The following TBC1D4 variants were observed in gnomAD, a reference collection of about 807,000 sequenced individuals.
The protein encoded by TBC1D4 is TBC (Tre-2, BUB2, CDC16) domain-containing protein.
A neutral mutation model predicts 142.5 loss-of-function variants in TBC1D4; 121 were observed. The observed-to-expected ratio is 0.85, with a 90% confidence interval of 0.73 to 0.99. The LOEUF is 0.99. Among genes scored for constraint, TBC1D4 ranks in the 50% least tolerant of loss-of-function variants. The pLI is 0.00. For missense variants in TBC1D4, 1,475 were observed against 1,606.6 expected, an observed-to-expected ratio of 0.92 and a Z score of 1.40; for synonymous variants, 630 against 628.2, an observed-to-expected ratio of 1.00 and a Z score of -0.04.
At chr13:75,479,944 A>C (rs878869618) in intron 1 of TBC1D4, among the ~76,000 whole-genome samples, 1 of 151,934 alleles carries the variant, frequency 6.6e-6, no homozygotes, top group Admixed American at 6.6e-5. Flanking sequence ...AGGCACGAGA[A>C]TCACTTGAAC....
chr13:75,392,744 T>C (rs1343500986), intron 1 of TBC1D4, among the ~76,000 whole-genome samples: 1 of 152,072 alleles, frequency 6.6e-6, no homozygotes, highest in East Asian at 1.9e-4. Context: ...CAAGTGATCC[T>C]CCCACCTCAG....
rs1007182909 is a variant in TBC1D4 at position 75,362,489 on chromosome 13, T to C, written c.617A>G (p.Tyr206Cys). ...GTGGGTCACGGTCACCTTTCCACAG[T>C]ACAGGACTTCGAACTTCTGAGAGTT... ...FYNSQKFEVL[Y>C]CGKVTVTHKK... The change falls in exon 2 of 21, where the codon TAC becomes TGC. Residue 206 changes from tyrosine (Y) to cysteine (C), a missense_variant. Physicochemically the swap from Tyr to Cys is radical, Grantham distance 194 (BLOSUM62 -2). Transcript: ENST00000377636. The surrounding 1 kb of genome is among the most constrained non-coding windows in gnomAD (Gnocchi z 4.2). 6.2e-7 allele frequency: 1 copy of C among 1,614,118 alleles called. No individual in the cohort carries two copies. The highest frequency in any genetic ancestry group is 8.5e-7 in the Non-Finnish European group (1 of 1,180,046).
intron 1 of TBC1D4, among the ~76,000 whole-genome samples, chr13:75,374,312 T>C (rs2138224189): frequency 6.6e-6 from 1 of 152,326 alleles, no homozygotes; most frequent in Admixed American, 6.5e-5. Context: ...AAGTACATTC[T>C]GGAAACTCAG....
intron 1 of TBC1D4, among the ~76,000 whole-genome samples, chr13:75,377,867 T>A (rs1883610460): frequency 6.6e-6 from 1 of 151,836 alleles, no homozygotes; most frequent in African/African-American, 2.4e-5. Context: ...GAATCTTTGC[T>A]ACAATGAATA....
intron 1 of TBC1D4, among the ~76,000 whole-genome samples, chr13:75,408,346 A>T (rs1885439330): frequency 6.6e-6 from 1 of 152,180 alleles, no homozygotes; most frequent in Non-Finnish European, 1.5e-5. Context: ...TTGTTTATCC[A>T]TTCATCACGG....
At chr13:75,449,802 C>A (rs1433572082) in intron 1 of TBC1D4, among the ~76,000 whole-genome samples, 1 of 152,094 alleles carries the variant, frequency 6.6e-6, no homozygotes, top group Non-Finnish European at 1.5e-5. Flanking sequence ...CGAGGCTGGT[C>A]TTGAACTCCT....
At chr13:75,413,349 A>T (rs1394560951) in intron 1 of TBC1D4, among the ~76,000 whole-genome samples, 1 of 152,120 alleles carries the variant, frequency 6.6e-6, no homozygotes, top group Non-Finnish European at 1.5e-5. Context: ...TTTAGTAAAG[A>T]CAGGGTTTCA....
chr13:75,302,454 T>TA (rs1242550364), intron 15 of TBC1D4, 53 bp from the exon 16 acceptor site: 1 of 1,607,114 alleles, frequency 6.2e-7, no homozygotes, highest in African/African-American at 1.3e-5. Flanking sequence ...ATGAAGTTGA[T>TA]AGATCCCAGC....
At chr13:75,388,194 G>T (rs557891697) in intron 1 of TBC1D4, among the ~76,000 whole-genome samples, 7 of 152,176 alleles carry the variant, frequency 4.6e-5, no homozygotes, top group Admixed American at 4.6e-4. Context: ...GGCCCACTTG[G>T]ATAATCCAGG....
intron 1 of TBC1D4, among the ~76,000 whole-genome samples, chr13:75,439,497 A>C (rs539090586): frequency 8.5e-5 from 13 of 152,338 alleles, no homozygotes; most frequent in African/African-American, 2.4e-4. Context: ...ATTTAACAGA[A>C]ATTGTAAACC....
intron 18 of TBC1D4, among the ~76,000 whole-genome samples, chr13:75,293,978 C>G (rs1338462168): frequency 6.6e-6 from 1 of 152,194 alleles, no homozygotes; most frequent in Non-Finnish European, 1.5e-5. Context: ...TGAGTGAATA[C>G]TGACTGCTTT....
At chr13:75,400,184 A>T (rs984579181) in intron 1 of TBC1D4, among the ~76,000 whole-genome samples, 1 of 152,060 alleles carries the variant, frequency 6.6e-6, no homozygotes, top group Non-Finnish European at 1.5e-5. Flanking sequence ...AAACCAAAAC[A>T]CTTCATTTCT....
chr13:75,388,276 A>G (rs1884292127), intron 1 of TBC1D4, among the ~76,000 whole-genome samples: 1 of 152,182 alleles, frequency 6.6e-6, no homozygotes, highest in African/African-American at 2.4e-5. Context: ...ACAAGGTAAT[A>G]TATTCATAGG....
At chr13:75,471,682 G>A (rs1248473338) in intron 1 of TBC1D4, among the ~76,000 whole-genome samples, 1 of 151,270 alleles carries the variant, frequency 6.6e-6, no homozygotes, top group Admixed American at 6.6e-5. Context: ...AGGTTGCAGT[G>A]AGCCGAGATT....
chr13:75,299,991 CATATT>C (rs1183803532), intron 16 of TBC1D4, among the ~76,000 whole-genome samples: 9 of 152,090 alleles, frequency 5.9e-5, no homozygotes, highest in Admixed American at 2.0e-4. Flanking sequence ...GTCTGTAAGA[CATATT>C]ATATTATTTA....
intron 1 of TBC1D4, among the ~76,000 whole-genome samples, chr13:75,414,982 G>A (rs191582539): frequency 1.3e-5 from 2 of 152,084 alleles, no homozygotes; most frequent in East Asian, 3.9e-4. Flanking sequence ...AAATTAGCCA[G>A]GCCTGGTGGC....
At chr13:75,305,862 A>T (rs1877128571) in intron 15 of TBC1D4, among the ~76,000 whole-genome samples, 1 of 152,198 alleles carries the variant, frequency 6.6e-6, no homozygotes, top group African/African-American at 2.4e-5. Context: ...AACTTCTCCA[A>T]AATTAGTGAA....
rs553049032 is a variant in TBC1D4 at position 75,311,158 on chromosome 13, C to A, written c.2384-1007G>T. On this transcript the variant is annotated intron_variant, in intron 13 of 20. Transcript: ENST00000377636. ...ATTGGGACTAGCATTTAAGTTCCTT[C>A]AGATTCTGGTCTCCACTCAGATTTC... Among the ~76,000 whole-genome samples the A allele has an allele frequency of 1.6e-4, 25 of 152,268 alleles. 1 individual carries two copies. In the East Asian group the frequency reaches 4.6e-3, roughly 28 times the overall value.
rs775726896 is a variant in TBC1D4, at chr13:75,349,283, G to C, written c.1295C>G (p.Thr432Ser). The C allele has an allele frequency of 1.2e-5, 19 of 1,613,830 alleles. No individual in the cohort carries two copies. In the South Asian group the frequency reaches 2.0e-4, roughly 17 times the overall value. Residue 432 changes from threonine (T) to serine (S), a missense_variant, in exon 5 of 21, where the codon ACT becomes AGT. Transcript: ENST00000377636. ...SESLVDEVML[T>S]LKQAFSTAAA... The stretch of plus-strand genomic sequence containing the variant: ...CGCCGTACTGAAGGCCTGTTTCAGA[G>C]TCAGCATTACCTCATCAACCTACAG...
Sources: allele counts gnomAD v4.1 joint callset (sites outside exome capture counted in the v4.1 genomes callset), GRCh38; gene constraint gnomAD v4.1.1; non-coding constraint Gnocchi (gnomAD v3.1); transcripts MANE v1.5; gene names NCBI Gene and HGNC (gene_info 2026-07-23, HGNC 2026-07-21).